The following MCTP2 variants were observed in gnomAD, a reference collection of about 807,000 sequenced individuals.
MCTP2 encodes the protein multiple C2 and transmembrane domain containing 2.
MCTP2 carries 132 observed loss-of-function variants against 111.6 expected under a neutral mutation model. That is an observed-to-expected ratio of 1.18 (90% confidence interval 1.03 to 1.37). MCTP2 has a LOEUF of 1.37. MCTP2 is among the 40% of genes most tolerant of loss of function. The pLI is 0.00. For missense variants in MCTP2, 1,183 were observed against 1,067.9 expected, an observed-to-expected ratio of 1.11 and a Z score of -1.50; for synonymous variants, 395 against 387.7, an observed-to-expected ratio of 1.02 and a Z score of -0.22.
intron 1 of MCTP2, among the ~76,000 whole-genome samples, chr15:94,257,569 G>GTTTTTTTTTTCTTTTTTTTTTTTTT: frequency 3.0e-5 from 1 of 33,822 alleles, no homozygotes; most frequent in Non-Finnish European, 5.5e-5. Context: ...TTTCTTTGTT[G>GTTTTTTTTTTCTTTTTTTTTTTTTT]TTTTTTTTTT....
intron 1 of MCTP2, among the ~76,000 whole-genome samples, chr15:94,267,869 C>CTTTTTCTTTTTTTTT: frequency 1.3e-5 from 1 of 77,454 alleles, no homozygotes; most frequent in Non-Finnish European, 2.2e-5. Context: ...CCTTTTCTTT[C>CTTTTTCTTTTTTTTT]TTTTTTTTTT....
At chr15:94,315,481 G>T (rs1378867349) in intron 3 of MCTP2, 48 bp from the exon 4 acceptor site, 1 of 1,371,362 alleles carries the variant, frequency 7.3e-7, no homozygotes, top group South Asian at 1.2e-5. Context: ...AAATTCTCTT[G>T]CTTGGGCCCA....
At chr15:94,463,957 T>TG (rs2085367056) in intron 20 of MCTP2, among the ~76,000 whole-genome samples, 1 of 151,906 alleles carries the variant, frequency 6.6e-6, no homozygotes, top group Admixed American at 6.6e-5. Flanking sequence ...CCTTTATATC[T>TG]GGCTGGATTT....
chr15:94,477,898 A>T (rs74029270), intron 22 of MCTP2, among the ~76,000 whole-genome samples: 2,215 of 152,272 alleles, frequency 0.015, 56 homozygotes, highest in African/African-American at 0.051. Context: ...TTTGTTTTGC[A>T]TTGAAGATTG....
intron 20 of MCTP2, among the ~76,000 whole-genome samples, chr15:94,467,873 CAAATGTAGAAATTCA>C (rs79914848): frequency 0.15 from 22,648 of 152,008 alleles, 2,045 homozygotes; most frequent in Non-Finnish European, 0.21. Context: ...TGGACCTATA[CAAATGTAGAAATTCA>C]AAATGTAGAA....
At chr15:94,360,739 C>T (rs2078885501) in intron 10 of MCTP2, among the ~76,000 whole-genome samples, 1 of 151,184 alleles carries the variant, frequency 6.6e-6, no homozygotes, top group African/African-American at 2.4e-5. Flanking sequence ...TCTTGTAATC[C>T]ATGTTTTGTC....
intron 16 of MCTP2, among the ~76,000 whole-genome samples, chr15:94,400,644 A>G (rs1390176967): frequency 7.0e-6 from 1 of 143,374 alleles, no homozygotes; most frequent in East Asian, 2.0e-4. Context: ...TTCCTTTTTC[A>G]GAGTCCCTCC....
In MCTP2 at chr15:94,471,043, G is replaced by C. The variant is rs374869428; in HGVS notation, c.2470+601G>C. ...TTAAAAAGAAAGTAGAAACAAAACT[G>C]GCAAACTGGAAATAAATGTCATGAC... On this transcript the variant is annotated intron_variant, in intron 21 of 22. Coordinates refer to ENST00000357742, the MANE Select transcript of MCTP2 (RefSeq NM_001385001.1). 1.4e-4 allele frequency among the ~76,000 whole-genome samples: 22 copies of C among 152,234 alleles called. 2 individuals are homozygous for C. Among genetic ancestry groups the C allele is most frequent in the Admixed American group, 1.0e-3 (16 of 15,296 alleles).
chr15:94,428,006 T>TTA (rs2082978750), intron 17 of MCTP2, among the ~76,000 whole-genome samples: 1 of 152,230 alleles, frequency 6.6e-6, no homozygotes, highest in Admixed American at 6.5e-5. Context: ...TGCTTTTCTC[T>TTA]ATTTAAATTC....
At chr15:94,243,391 G>A (rs1261472384) in intron 1 of MCTP2, among the ~76,000 whole-genome samples, 2 of 142,424 alleles carry the variant, frequency 1.4e-5, no homozygotes, top group African/African-American at 2.7e-5. Flanking sequence ...ATACGTATGC[G>A]TATATGCGTA....
At chr15:94,444,865 A>C (rs1567721119) in intron 19 of MCTP2, among the ~76,000 whole-genome samples, 1 of 152,222 alleles carries the variant, frequency 6.6e-6, no homozygotes, top group Non-Finnish European at 1.5e-5. Context: ...CCACCAGTAG[A>C]AGAGGATGTC....
chr15:94,272,037 A>C (rs1349202065), intron 1 of MCTP2, among the ~76,000 whole-genome samples: 2 of 152,210 alleles, frequency 1.3e-5, no homozygotes, highest in Non-Finnish European at 2.9e-5. Flanking sequence ...TAGACAAGGA[A>C]ACCTTTAAAT....
rs547847485 is a variant in MCTP2 at position 94,423,088 on chromosome 15, G to T, written c.2086-17088G>T. On this transcript the variant is annotated intron_variant, in intron 17 of 22. Transcript: ENST00000357742. Reference sequence around the variant, plus strand: ...GTATATGTCTTCTAATTGAACCAATGAATTATCTGAGTGCTTTTCTACAAA... The same window carrying T: ...GTATATGTCTTCTAATTGAACCAATTAATTATCTGAGTGCTTTTCTACAAA... Among the ~76,000 whole-genome samples the T allele has an allele frequency of 3.3e-3, 507 of 152,286 alleles. 4 individuals carry two copies. Among genetic ancestry groups the T allele is most frequent in the Non-Finnish European group, 5.6e-3 (381 of 68,018 alleles).
chr15:94,383,377 C>A (rs1001773612), intron 12 of MCTP2, among the ~76,000 whole-genome samples: 12 of 152,184 alleles, frequency 7.9e-5, no homozygotes, highest in African/African-American at 2.9e-4. Flanking sequence ...GCTCTCATGC[C>A]AAATGGATTC....
At chr15:94,415,881 A>AT (rs2061978775) in intron 17 of MCTP2, among the ~76,000 whole-genome samples, 1 of 152,238 alleles carries the variant, frequency 6.6e-6, no homozygotes, top group African/African-American at 2.4e-5. Flanking sequence ...TATTGCTTTG[A>AT]TTATAACTCA....
chr15:94,402,662 T>A (rs986052965), intron 17 of MCTP2: 2 of 1,524,918 alleles, frequency 1.3e-6, no homozygotes, highest in African/African-American at 2.8e-5. Flanking sequence ...GCTGGCCTCA[T>A]GCCTTCACTT....
chr15:94,383,217 G>T (rs1319220739), intron 12 of MCTP2, among the ~76,000 whole-genome samples: 2 of 152,190 alleles, frequency 1.3e-5, no homozygotes, highest in African/African-American at 4.8e-5. Context: ...CTCCTAAAGA[G>T]CCATTTTTAC....
intron 7 of MCTP2, chr15:94,344,091 T>G (rs2077824239): frequency 6.6e-6 from 1 of 151,990 alleles, no homozygotes; most frequent in Non-Finnish European, 1.5e-5. Context: ...ACCCTGATAT[T>G]AATATCCAGG....
intron 1 of MCTP2, among the ~76,000 whole-genome samples, chr15:94,246,029 G>T (rs1348683148): frequency 6.6e-6 from 1 of 152,066 alleles, no homozygotes; most frequent in Non-Finnish European, 1.5e-5. Context: ...TGAGAGTGGG[G>T]AGGAAAAATG....
Sources: gnomAD v4.1 joint callset for allele counts (sites outside exome capture counted in the v4.1 genomes callset) on GRCh38, gnomAD v4.1.1 for gene constraint, MANE v1.5 for transcripts, NCBI Gene and HGNC (gene_info 2026-07-23, HGNC 2026-07-21) for gene names.